Variants in MALRD1 observed in about 807,000 individuals in gnomAD.
MALRD1 encodes MAM and LDL-receptor class A domain-containing protein 1.
Under a neutral mutation model 242.1 loss-of-function variants are expected in MALRD1, and 247 were observed. The ratio of observed to expected loss-of-function variants is 1.02; its 90% CI spans 0.92 to 1.13. The LOEUF (loss-of-function observed/expected upper bound fraction) is 1.13, where lower values mean the gene tolerates loss of function less well. Among genes scored for constraint, MALRD1 ranks in the 50% most tolerant of loss-of-function variants. The pLI, the probability that MALRD1 is intolerant of heterozygous loss-of-function variation, is 0.00. For synonymous variants in MALRD1, 995 were observed against 866.6 expected (o/e 1.15, Z -2.60); for missense variants, 2,989 against 2,533.1 (o/e 1.18, Z -3.86).
At chr10:19,640,849 T>C (rs1429812828) in intron 36 of MALRD1, among the ~76,000 whole-genome samples, 1 of 152,216 alleles carries the variant, frequency 6.6e-6, no homozygotes, top group East Asian at 1.9e-4. Context: ...AAGTTCTTGT[T>C]TTTCTAATGA....
chr10:19,207,393 T>TGG (rs1382335119), intron 17 of MALRD1, among the ~76,000 whole-genome samples: 2 of 152,218 alleles, frequency 1.3e-5, no homozygotes, highest in East Asian at 3.9e-4. Context: ...CCCCCTTACC[T>TGG]GGGGGCTTCA....
intron 36 of MALRD1, among the ~76,000 whole-genome samples, chr10:19,673,881 A>G (rs918886143): frequency 4.6e-5 from 7 of 151,690 alleles, no homozygotes; most frequent in African/African-American, 1.7e-4. Flanking sequence ...ACTTACAAAT[A>G]TATTTTAAAT....
At chr10:19,611,795 T>C (rs1838911704) in intron 35 of MALRD1, among the ~76,000 whole-genome samples, 1 of 152,068 alleles carries the variant, frequency 6.6e-6, no homozygotes, top group South Asian at 2.1e-4. Flanking sequence ...GTATTATGGA[T>C]AAAGAACCTG....
At chr10:19,248,431 A>T (rs990527683) in intron 18 of MALRD1, among the ~76,000 whole-genome samples, 2 of 151,804 alleles carry the variant, frequency 1.3e-5, no homozygotes, top group African/African-American at 2.4e-5. Flanking sequence ...AGAAAATGTT[A>T]TATTATTAGT....
At chr10:19,357,621 A>T (rs1194802920) in intron 26 of MALRD1, among the ~76,000 whole-genome samples, 2 of 152,066 alleles carry the variant, frequency 1.3e-5, no homozygotes, top group African/African-American at 4.8e-5. Context: ...TCTCATGAGT[A>T]GTGTATGTGT....
At chr10:19,414,666 A>G (rs1833432638) in intron 28 of MALRD1, among the ~76,000 whole-genome samples, 1 of 152,122 alleles carries the variant, frequency 6.6e-6, no homozygotes, top group African/African-American at 2.4e-5. Flanking sequence ...TGTAATAGTG[A>G]CTTCACGGAG....
intron 28 of MALRD1, among the ~76,000 whole-genome samples, chr10:19,402,101 T>A (rs982393350): frequency 6.6e-6 from 1 of 152,146 alleles, no homozygotes; most frequent in African/African-American, 2.4e-5. Context: ...CTCTTAACAA[T>A]GCATGTTATA....
At chr10:19,225,474 C>T (rs753615649) in intron 18 of MALRD1, among the ~76,000 whole-genome samples, 7 of 151,946 alleles carry the variant, frequency 4.6e-5, no homozygotes, top group African/African-American at 7.3e-5. Context: ...TTTCTATTCA[C>T]ATATGTATAT....
At chr10:19,690,906 A>AGTTAAATTTG (rs1417596520) in intron 36 of MALRD1, among the ~76,000 whole-genome samples, 4 of 152,072 alleles carry the variant, frequency 2.6e-5, no homozygotes, top group Non-Finnish European at 5.9e-5. Context: ...AATCCAAGAC[A>AGTTAAATTTG]GTTTTCCACT....
chr10:19,256,969 T>G (rs190700203), intron 18 of MALRD1, among the ~76,000 whole-genome samples: 2 of 152,262 alleles, frequency 1.3e-5, no homozygotes, highest in East Asian at 3.9e-4. Flanking sequence ...TGCATAAGTA[T>G]TAAAATAATT....
chr10:19,270,331 C>G (rs1421237861), intron 19 of MALRD1, among the ~76,000 whole-genome samples: 6 of 72,348 alleles, frequency 8.3e-5, no homozygotes, highest in African/African-American at 2.8e-4. Context: ...CTCTCTCTCT[C>G]TCTCTCACAC....
chr10:19,165,241 G>GAATATATATATATATATATATATA (rs1448267076), intron 12 of MALRD1, among the ~76,000 whole-genome samples: 3 of 28,214 alleles, frequency 1.1e-4, no homozygotes, highest in East Asian at 1.5e-3. Flanking sequence ...AAGTTGTTTG[G>GAATATATATATATATATATATATA]AATATATATA....
intron 38 of MALRD1, chr10:19,711,001 G>C (rs1374210110): frequency 6.6e-6 from 1 of 152,222 alleles, no homozygotes; most frequent in Non-Finnish European, 1.5e-5. Flanking sequence ...AAGTTATATA[G>C]TTTTCCAATG....
rs1012341455 is a variant in MALRD1, at chr10:19,497,408, A to AG, written c.5159-1075dup. ...TATATAGTCATATAGAATGAACGAA[A>AG]GGAATGTACATGAATACAAGTGGTT... On this transcript the variant is annotated intron_variant, in intron 30 of 39. Coordinates refer to ENST00000454679, the MANE Select transcript of MALRD1 (RefSeq NM_001142308.3). Among the ~76,000 whole-genome samples, 6 of 151,846 alleles carry AG rather than the reference A, an allele frequency of 4.0e-5. 1 individual carries two copies. Among genetic ancestry groups the AG allele is most frequent in the African/African-American group, 1.5e-4 (6 of 41,184 alleles).
At chr10:19,450,209 T>C (rs1018494944) in intron 28 of MALRD1, 98 bp from the exon 29 acceptor site, 2 of 1,041,326 alleles carry the variant, frequency 1.9e-6, no homozygotes, top group East Asian at 2.6e-5. Flanking sequence ...TTTTTATTGG[T>C]CAAATGCTTC....
chr10:19,647,503 T>G (rs1179751845), intron 36 of MALRD1, among the ~76,000 whole-genome samples: 2 of 152,112 alleles, frequency 1.3e-5, no homozygotes, highest in African/African-American at 4.8e-5. Flanking sequence ...ACCAGTGATT[T>G]ATTTTCTAAG....
At position 19,419,074 on chromosome 10, in the gene MALRD1, C is replaced by A. The variant is rs559476692; in HGVS notation, c.4845+29465C>A. ...ACTCAACCATTTCAGTATGCACACC[C>A]TTCTCCAGCTAACCGCCTTCCTTTC... On this transcript the variant is annotated intron_variant, in intron 28 of 39. Coordinates refer to ENST00000454679, the MANE Select transcript of MALRD1 (RefSeq NM_001142308.3). Among the ~76,000 whole-genome samples, 4 of 152,274 alleles carry A rather than the reference C, an allele frequency of 2.6e-5. No individual in the cohort carries two copies. In the South Asian group the frequency reaches 8.3e-4, roughly 32 times the overall value.
chr10:19,719,624 A>T (rs1834646998), intron 38 of MALRD1, among the ~76,000 whole-genome samples: 1 of 151,924 alleles, frequency 6.6e-6, no homozygotes, highest in African/African-American at 2.4e-5. Flanking sequence ...TGGTTTTATG[A>T]CCCTGGGTGA....
intron 21 of MALRD1, among the ~76,000 whole-genome samples, chr10:19,312,374 A>ACG (rs1842463425): frequency 1.1e-5 from 1 of 89,896 alleles, no homozygotes; most frequent in Non-Finnish European, 2.3e-5. Flanking sequence ...GCACAGAGGA[A>ACG]TGTGTATATA....
Sources: gnomAD v4.1 joint callset for allele counts (sites outside exome capture counted in the v4.1 genomes callset) on GRCh38, gnomAD v4.1.1 for gene constraint, MANE v1.5 for transcripts, NCBI Gene and HGNC (gene_info 2026-07-23, HGNC 2026-07-21) for gene names.